AUTS2: variants seen among roughly 807,000 people sequenced by gnomAD.
AUTS2 encodes the protein activator of transcription and developmental regulator AUTS2.
In AUTS2, 17 loss-of-function variants were observed where a neutral mutation model predicts 112.4. The observed-to-expected ratio is 0.15, with a 90% CI of 0.10 to 0.23. The LOEUF (loss-of-function observed/expected upper bound fraction) is 0.23, where lower values mean the gene tolerates loss of function less well. Among genes scored for constraint, AUTS2 ranks in the 10% least tolerant of loss-of-function variants. AUTS2 has a pLI of 1.00. For synonymous variants in AUTS2, 751 were observed against 702.7 expected, an observed-to-expected ratio of 1.07 and a Z score of -1.09; for missense variants, 1,510 against 1,701.6, an observed-to-expected ratio of 0.89 and a Z score of 1.98.
rs370238523 is a variant in AUTS2 at position 69,984,233 on chromosome 7, G to A, written c.522+84735G>A. On this transcript the variant is annotated intron_variant, in intron 2 of 18. Coordinates refer to ENST00000342771, the MANE Select transcript of AUTS2 (RefSeq NM_015570.4). ...GAGATCGAGACCACGGTGAAACCCC[G>A]TCTCTACTAAAAATACAAAAAAAAT... 2.2e-4 allele frequency among the ~76,000 whole-genome samples: 34 copies of A among 151,868 alleles called. 1 individual carries two copies. In the Middle Eastern group the frequency reaches 0.01, roughly 46 times the overall value.
intron 5 of AUTS2, among the ~76,000 whole-genome samples, chr7:70,609,965 G>A (rs1384301308): frequency 5.0e-5 from 3 of 59,654 alleles, no homozygotes; most frequent in African/African-American, 1.9e-4. Flanking sequence ...GTTTTTTGTT[G>A]TTGTTGTTGT....
At chr7:70,509,468 TTAAGTA>T (rs2116750801) in intron 5 of AUTS2, among the ~76,000 whole-genome samples, 1 of 152,348 alleles carries the variant, frequency 6.6e-6, no homozygotes, top group South Asian at 2.1e-4. Context: ...AGGAACCATG[TTAAGTA>T]TTTTTCCATG....
intron 5 of AUTS2, among the ~76,000 whole-genome samples, chr7:70,452,318 A>G (rs1585161710): frequency 6.6e-6 from 1 of 152,220 alleles, no homozygotes; most frequent in East Asian, 1.9e-4. Context: ...AATTAGTCAG[A>G]TGTGGTGGCA....
intron 1 of AUTS2, among the ~76,000 whole-genome samples, chr7:69,673,659 T>A (rs970986777): frequency 5.3e-5 from 8 of 152,204 alleles, no homozygotes; most frequent in African/African-American, 1.9e-4. Context: ...TATATTTGTG[T>A]TTCTGTCAAT....
intron 1 of AUTS2, among the ~76,000 whole-genome samples, chr7:69,894,770 A>G (rs1280365568): frequency 1.3e-5 from 2 of 152,144 alleles, no homozygotes; most frequent in African/African-American, 4.8e-5. Flanking sequence ...CTTTAAAATA[A>G]TCCTTAGGCC....
intron 11 of AUTS2, among the ~76,000 whole-genome samples, chr7:70,772,826 A>T (rs1289019867): frequency 2.0e-5 from 3 of 152,206 alleles, no homozygotes; most frequent in Non-Finnish European, 2.9e-5. Context: ...GGTGATTTTA[A>T]ACTCCTTCCC....
At chr7:70,450,523 G>T (rs1204145346) in intron 5 of AUTS2, among the ~76,000 whole-genome samples, 1 of 152,190 alleles carries the variant, frequency 6.6e-6, no homozygotes, top group Non-Finnish European at 1.5e-5. Context: ...TGTTTGTTTG[G>T]TCAGGGTCCA....
chr7:70,163,346 G>A (rs1808202178), intron 4 of AUTS2, among the ~76,000 whole-genome samples: 1 of 81,036 alleles, frequency 1.2e-5, no homozygotes, highest in Non-Finnish European at 2.6e-5. Flanking sequence ...TGTGGTGGTG[G>A]GGGGGGGGGG....
chr7:70,032,384 T>C (rs1286327215), intron 2 of AUTS2, among the ~76,000 whole-genome samples: 5 of 152,256 alleles, frequency 3.3e-5, no homozygotes, highest in Non-Finnish European at 5.9e-5. Flanking sequence ...ACTATTTCAA[T>C]GGCTGAGGTT....
chr7:70,655,488 T>C (rs951500440), intron 5 of AUTS2, among the ~76,000 whole-genome samples: 2 of 152,208 alleles, frequency 1.3e-5, no homozygotes, highest in African/African-American at 4.8e-5. Context: ...GCAAGAAGGT[T>C]ACTGAAACGC....
intron 2 of AUTS2, among the ~76,000 whole-genome samples, chr7:69,939,347 A>C (rs1267342155): frequency 6.6e-6 from 1 of 152,156 alleles, no homozygotes; most frequent in Non-Finnish European, 1.5e-5. Flanking sequence ...GGCTTAAACT[A>C]TTCTTATTTC....
Position 70,581,317 on chromosome 7 carries a change from C to T in AUTS2, c.691-117252C>T, listed in dbSNP as rs571487381. On this transcript the variant is annotated intron_variant, in intron 5 of 18. Transcript: ENST00000342771. ...AGGAAAATTGCTTGAAACTGGGAGGCGGAGGTTGTGGTGAGCCGAGATTGC... is the reference window on the plus strand; with the variant it reads ...AGGAAAATTGCTTGAAACTGGGAGGTGGAGGTTGTGGTGAGCCGAGATTGC... Among the ~76,000 whole-genome samples, 17 of 152,158 alleles carry T rather than the reference C, an allele frequency of 1.1e-4. No homozygotes were observed. The South Asian group carries it at 1.2e-3, about 11-fold the overall frequency.
At chr7:70,467,988 C>T (rs1797233716) in intron 5 of AUTS2, among the ~76,000 whole-genome samples, 1 of 152,194 alleles carries the variant, frequency 6.6e-6, no homozygotes, top group Non-Finnish European at 1.5e-5. Flanking sequence ...GAGGACTTAT[C>T]TGACATGTGC....
chr7:70,233,615 T>G (rs1226576920), intron 4 of AUTS2, among the ~76,000 whole-genome samples: 1 of 152,222 alleles, frequency 6.6e-6, no homozygotes, highest in Non-Finnish European at 1.5e-5. Flanking sequence ...CTGATGTATA[T>G]TTTTCCATTA....
At chr7:69,717,690 T>A (rs2129210287) in intron 1 of AUTS2, among the ~76,000 whole-genome samples, 1 of 152,110 alleles carries the variant, frequency 6.6e-6, no homozygotes, top group Admixed American at 6.6e-5. Flanking sequence ...GGGGTGGAGG[T>A]AGATTTTCTG....
intron 4 of AUTS2, among the ~76,000 whole-genome samples, chr7:70,427,112 A>T (rs1346640389): frequency 6.6e-6 from 1 of 151,844 alleles, no homozygotes; most frequent in Admixed American, 6.6e-5. Flanking sequence ...TGTCTTCCTG[A>T]TAGTAACACT....
chr7:69,816,342 G>A (rs1296113371), intron 1 of AUTS2, among the ~76,000 whole-genome samples: 3 of 152,228 alleles, frequency 2.0e-5, no homozygotes, highest in Non-Finnish European at 4.4e-5. Flanking sequence ...GTTGGGGTTA[G>A]TACTTTCTTT....
chr7:69,940,309 T>C (rs1194068635), intron 2 of AUTS2, among the ~76,000 whole-genome samples: 2 of 152,116 alleles, frequency 1.3e-5, no homozygotes, highest in African/African-American at 4.8e-5. Flanking sequence ...CGAATTAACC[T>C]AGGGAAGAGG....
At chr7:70,325,015 G>C (rs1220807798) in intron 4 of AUTS2, among the ~76,000 whole-genome samples, 1 of 152,164 alleles carries the variant, frequency 6.6e-6, no homozygotes, top group Non-Finnish European at 1.5e-5. Flanking sequence ...CACAACTCAG[G>C]AGAGATGAGC....
Sources: gnomAD v4.1 joint callset for allele counts (sites outside exome capture counted in the v4.1 genomes callset) on GRCh38, gnomAD v4.1.1 for gene constraint, MANE v1.5 for transcripts, NCBI Gene and HGNC (gene_info 2026-07-23, HGNC 2026-07-21) for gene names.